Variants in PTPN13 observed in about 807,000 individuals in gnomAD.
PTPN13 encodes protein tyrosine phosphatase non-receptor type 13, also known as tyrosine-protein phosphatase non-receptor type 13.
A neutral mutation model predicts 284.0 loss-of-function variants in PTPN13; 191 were observed. The observed-to-expected ratio is 0.67, with a 90% CI of 0.60 to 0.76. The LOEUF is 0.76. Among genes scored for constraint, PTPN13 ranks in the 30% least tolerant of loss-of-function variants. PTPN13 has a pLI of 0.00. For missense variants in PTPN13, 2,797 were observed against 2,939.9 expected, an observed-to-expected ratio of 0.95 and a Z score of 1.12; for synonymous variants, 986 against 1,022.3, an observed-to-expected ratio of 0.96 and a Z score of 0.68.
intron 2 of PTPN13, among the ~76,000 whole-genome samples, chr4:86,666,390 C>G (rs1353617306): frequency 1.4e-5 from 2 of 147,902 alleles, no homozygotes; most frequent in Non-Finnish European, 3.0e-5. Flanking sequence ...AAGAACAGCT[C>G]TCTCTTCTCT....
chr4:86,646,458 G>A (rs369806976), intron 2 of PTPN13, among the ~76,000 whole-genome samples: 1 of 152,040 alleles, frequency 6.6e-6, no homozygotes, highest in Admixed American at 6.5e-5. Flanking sequence ...CCACCATACC[G>A]GGCTATTTTC....
chr4:86,752,220 C>T (rs562863395), intron 19 of PTPN13, among the ~76,000 whole-genome samples: 22 of 152,236 alleles, frequency 1.4e-4, no homozygotes, highest in African/African-American at 5.3e-4. Flanking sequence ...TCTTCTTAGG[C>T]TCAAGGTTTG....
intron 4 of PTPN13, among the ~76,000 whole-genome samples, chr4:86,687,656 T>TAC (rs1449336774): frequency 6.6e-6 from 1 of 152,148 alleles, no homozygotes; most frequent in African/African-American, 2.4e-5. Flanking sequence ...AAATAATGTA[T>TAC]ATTTTCTTTT....
At chr4:86,692,249 A>T (rs1730104295) in intron 5 of PTPN13, among the ~76,000 whole-genome samples, 1 of 152,236 alleles carries the variant, frequency 6.6e-6, no homozygotes, top group Admixed American at 6.5e-5. Context: ...GTGGGATGTT[A>T]GTAATACTGT....
intron 47 of PTPN13, among the ~76,000 whole-genome samples, chr4:86,812,217 G>A (rs1209944457): frequency 6.7e-6 from 1 of 149,664 alleles, no homozygotes; most frequent in East Asian, 2.0e-4. Context: ...GGCTGAGGCA[G>A]GAGAATGGCG....
chr4:86,802,700 C>T (rs1419682812), intron 42 of PTPN13, among the ~76,000 whole-genome samples: 3 of 152,040 alleles, frequency 2.0e-5, no homozygotes, highest in African/African-American at 4.8e-5. Flanking sequence ...TTGTAAGATG[C>T]GGTGAGAATG....
chr4:86,609,162 G>A (rs1376842096), intron 1 of PTPN13, among the ~76,000 whole-genome samples: 3 of 152,094 alleles, frequency 2.0e-5, no homozygotes, highest in Admixed American at 1.3e-4. Context: ...TCCCTCAACT[G>A]GCTGTCTTCA....
intron 6 of PTPN13, among the ~76,000 whole-genome samples, chr4:86,694,416 C>G (rs920261208): frequency 6.6e-6 from 1 of 151,132 alleles, no homozygotes; most frequent in African/African-American, 2.4e-5. Flanking sequence ...TCCCATCTCT[C>G]TAAAAATACA....
chr4:86,644,287 ACG>A (rs1453914018), intron 2 of PTPN13, among the ~76,000 whole-genome samples: 3 of 152,054 alleles, frequency 2.0e-5, no homozygotes, highest in Non-Finnish European at 2.9e-5. Flanking sequence ...GTGTGCTACC[ACG>A]CTCGGCCAAA....
At chr4:86,723,130 G>A (rs1733861412) in intron 10 of PTPN13, among the ~76,000 whole-genome samples, 1 of 151,972 alleles carries the variant, frequency 6.6e-6, no homozygotes, top group Non-Finnish European at 1.5e-5. Flanking sequence ...CTACATTATT[G>A]TTAGTGTTAT....
intron 5 of PTPN13, among the ~76,000 whole-genome samples, chr4:86,689,434 T>G (rs890586454): frequency 7.9e-5 from 12 of 152,236 alleles, no homozygotes; most frequent in African/African-American, 2.9e-4. Flanking sequence ...ATAGCATGTT[T>G]GAGCTGAAAG....
chr4:86,620,956 T>C (rs1245137910), intron 1 of PTPN13, among the ~76,000 whole-genome samples: 2 of 152,224 alleles, frequency 1.3e-5, no homozygotes, highest in African/African-American at 4.8e-5. Flanking sequence ...GTATCTGTTG[T>C]CGCAAGAAGA....
At chr4:86,750,225 T>C (rs936372433) in intron 17 of PTPN13, among the ~76,000 whole-genome samples, 1 of 152,094 alleles carries the variant, frequency 6.6e-6, no homozygotes, top group Non-Finnish European at 1.5e-5. Context: ...AGAAAATCAT[T>C]AGATGAAGCA....
chr4:86,700,321 G>A (rs373165110), intron 6 of PTPN13, among the ~76,000 whole-genome samples: 43 of 152,108 alleles, frequency 2.8e-4, no homozygotes, highest in Middle Eastern at 6.8e-3. Flanking sequence ...CAGTGTTTAT[G>A]GGCTATTGAG....
chr4:86,696,589 A>G (rs1300491680), intron 6 of PTPN13, among the ~76,000 whole-genome samples: 1 of 152,036 alleles, frequency 6.6e-6, no homozygotes, highest in African/African-American at 2.4e-5. Context: ...ATTGTCTAAT[A>G]GTTCCTTAGA....
chr4:86,714,551 AT>A (rs1470613090), intron 7 of PTPN13, among the ~76,000 whole-genome samples: 1 of 152,038 alleles, frequency 6.6e-6, no homozygotes, highest in South Asian at 2.1e-4. Flanking sequence ...GGGAAAATCT[AT>A]TTTTTTAACC....
chr4:86,717,250 G>A (rs186031179), intron 9 of PTPN13, 133 bp downstream of exon 9: 32 of 598,846 alleles, frequency 5.3e-5, no homozygotes, highest in Non-Finnish European at 8.6e-5. Context: ...GTGCAGTGGC[G>A]CAATCTCGGC....
intron 16 of PTPN13, among the ~76,000 whole-genome samples, chr4:86,744,703 G>A (rs550688945): frequency 3.3e-5 from 5 of 152,264 alleles, no homozygotes; most frequent in Admixed American, 6.5e-5. Flanking sequence ...TGAAACCTAG[G>A]AGCAATAGGC....
chr4:86,731,584 A>G (rs1216438901), intron 10 of PTPN13, among the ~76,000 whole-genome samples: 1 of 152,164 alleles, frequency 6.6e-6, no homozygotes, highest in Non-Finnish European at 1.5e-5. Context: ...GTGGATATAT[A>G]CATATAGGCA....
Sources: allele counts gnomAD v4.1 joint callset (sites outside exome capture counted in the v4.1 genomes callset), GRCh38; gene constraint gnomAD v4.1.1; transcripts MANE v1.5; gene names NCBI Gene and HGNC (gene_info 2026-07-23, HGNC 2026-07-21).